The following PCDHA5 variants were observed in gnomAD, a reference collection of about 807,000 sequenced individuals.
PCDHA5 encodes protocadherin alpha 5, also known as protocadherin alpha-5.
In PCDHA5, 43 loss-of-function variants were observed where a neutral mutation model predicts 61.6. The observed-to-expected ratio is 0.70, with a 90% CI of 0.55 to 0.90. The LOEUF is 0.90. Among genes scored for constraint, PCDHA5 ranks in the 40% least tolerant of loss-of-function variants. PCDHA5 has a pLI of 0.00. For missense variants in PCDHA5, 1,298 were observed against 1,222.7 expected (o/e 1.06, Z -0.92); for synonymous variants, 627 against 543.9 (o/e 1.15, Z -2.13).
intron 1 of PCDHA5, chr5:140,836,100 A>C (rs2150252810): frequency 8.7e-6 from 14 of 1,613,582 alleles, no homozygotes; most frequent in Non-Finnish European, 1.2e-5. Context: ...GGTGGGTGGC[A>C]CTGGTGGCGC....
chr5:140,875,160 C>A, intron 1 of PCDHA5: 1 of 339,568 alleles, frequency 2.9e-6, no homozygotes, highest in Non-Finnish European at 5.1e-6. Flanking sequence ...GAAAAATAAC[C>A]CAAAGTCGAA....
At chr5:140,882,058 C>G (rs1190027185) in intron 1 of PCDHA5, 4 of 794,854 alleles carry the variant, frequency 5.0e-6, no homozygotes, top group Non-Finnish European at 7.7e-6. Flanking sequence ...CTTACACTTA[C>G]ACGTTCATGC....
chr5:140,839,742 T>A (rs1554137563), intron 1 of PCDHA5, among the ~76,000 whole-genome samples: 2 of 152,054 alleles, frequency 1.3e-5, no homozygotes, highest in Non-Finnish European at 2.9e-5. Flanking sequence ...ATACCCTTAT[T>A]TGCCTTTCCT....
intron 1 of PCDHA5, chr5:140,824,610 G>GTGT (rs1768191919): frequency 1.1e-5 from 1 of 95,104 alleles, no homozygotes; most frequent in South Asian, 3.6e-4. Context: ...GCTAATTAAA[G>GTGT]TTTTTTTTTT....
At chr5:141,006,483 G>T (rs1351534173) in intron 3 of PCDHA5, among the ~76,000 whole-genome samples, 1 of 152,126 alleles carries the variant, frequency 6.6e-6, no homozygotes, top group Non-Finnish European at 1.5e-5. Context: ...AAAGTGCTGG[G>T]ATTACATGTG....
intron 1 of PCDHA5, chr5:140,856,276 A>C (rs1554148470): frequency 6.3e-7 from 1 of 1,598,372 alleles, no homozygotes; most frequent in Admixed American, 1.7e-5. Context: ...TTCTGGAGGT[A>C]AATCTGCAGA....
intron 3 of PCDHA5, among the ~76,000 whole-genome samples, chr5:140,996,041 C>T (rs2097709262): frequency 6.6e-6 from 1 of 152,224 alleles, no homozygotes; most frequent in African/African-American, 2.4e-5. Context: ...TAGCACTTAA[C>T]ACAGTGCTTG....
At chr5:140,919,982 G>GA (rs35005979) in intron 1 of PCDHA5, among the ~76,000 whole-genome samples, 49,705 of 152,056 alleles carry the variant, frequency 0.33, 8,403 homozygotes, top group East Asian at 0.53. Flanking sequence ...GATAGAAGAT[G>GA]GAAAACAGAC....
chr5:140,822,300 A>T lies in PCDHA5; in HGVS notation c.525A>T (p.Glu175Asp). ...TGAGATACAGGTTAAATCCAAACGA[A>T]TATTTTGACTTAGATGTTAAAACAA... ...AQLRYRLNPNEYFDLDVKTNE... is the reference protein window; with the variant it reads ...AQLRYRLNPNDYFDLDVKTNE... The change falls in exon 1 of 4, where the codon GAA becomes GAT. Residue 175 changes from glutamate (E) to aspartate (D), a missense_variant. By Grantham distance (45) the Glu-to-Asp change is conservative (BLOSUM62 2). Transcript: ENST00000529859. 1 of 1,614,264 alleles carries T rather than the reference A, an allele frequency of 6.2e-7. No homozygotes were observed.
chr5:141,000,389 C>CTATATA (rs2097911342), intron 3 of PCDHA5, among the ~76,000 whole-genome samples: 2 of 62,586 alleles, frequency 3.2e-5, no homozygotes, highest in African/African-American at 7.0e-5. Flanking sequence ...CTCTCTCTCT[C>CTATATA]TCTCTCTATA....
intron 3 of PCDHA5, among the ~76,000 whole-genome samples, chr5:140,984,667 T>A (rs1554246463): frequency 6.6e-6 from 1 of 152,160 alleles, no homozygotes; most frequent in Non-Finnish European, 1.5e-5. Flanking sequence ...TACTTTTAGG[T>A]TTTTAGGACT....
intron 3 of PCDHA5, chr5:140,988,965 TG>T (rs1227130828): frequency 6.6e-6 from 1 of 152,162 alleles, no homozygotes; most frequent in Non-Finnish European, 1.5e-5. Context: ...AGCCCCACGA[TG>T]GAGAGAAGCA....
chr5:140,832,356 T>A (rs1012512842), intron 1 of PCDHA5, among the ~76,000 whole-genome samples: 1 of 152,250 alleles, frequency 6.6e-6, no homozygotes, highest in East Asian at 1.9e-4. Flanking sequence ...TGTTTCCTAA[T>A]GTGAGCATTT....
intron 1 of PCDHA5, among the ~76,000 whole-genome samples, chr5:140,965,996 A>G (rs2095956267): frequency 6.6e-6 from 1 of 152,102 alleles, no homozygotes; most frequent in South Asian, 2.1e-4. Context: ...TGCAGTACTT[A>G]AGAGTGTCCA....
At chr5:140,860,395 G>C (rs1369632482) in intron 1 of PCDHA5, 2 of 151,922 alleles carry the variant, frequency 1.3e-5, no homozygotes, top group African/African-American at 4.8e-5. Context: ...ATTGAAAAAA[G>C]CAAAAGCAAT....
intron 3 of PCDHA5, among the ~76,000 whole-genome samples, chr5:140,997,288 T>C (rs1554255825): frequency 1.3e-5 from 2 of 152,222 alleles, no homozygotes; most frequent in African/African-American, 4.8e-5. Context: ...CACTTAACAA[T>C]GGGGATACAC....
chr5:140,887,047 C>G (rs530605993), intron 1 of PCDHA5, among the ~76,000 whole-genome samples: 1 of 151,882 alleles, frequency 6.6e-6, no homozygotes, highest in African/African-American at 2.4e-5. Flanking sequence ...TTTTATAGTG[C>G]ATATGTTCTG....
intron 3 of PCDHA5, among the ~76,000 whole-genome samples, chr5:140,994,539 CA>C (rs35651294): frequency 0.48 from 72,467 of 151,372 alleles, 18,531 homozygotes; most frequent in African/African-American, 0.67. Flanking sequence ...CCCATCTCTA[CA>C]AAAAAAATAT....
intron 1 of PCDHA5, among the ~76,000 whole-genome samples, chr5:140,973,299 T>C (rs1191449890): frequency 1.3e-5 from 2 of 152,198 alleles, no homozygotes; most frequent in African/African-American, 4.8e-5. Flanking sequence ...TTCTATCTGA[T>C]GACTCTATCC....
Sources: allele counts gnomAD v4.1 joint callset (sites outside exome capture counted in the v4.1 genomes callset), GRCh38; gene constraint gnomAD v4.1.1; transcripts MANE v1.5; gene names NCBI Gene and HGNC (gene_info 2026-07-23, HGNC 2026-07-21).